Variants in EPC2 observed in about 807,000 individuals in gnomAD.
EPC2 encodes the protein enhancer of polycomb 2, also known as enhancer of polycomb homolog 2.
Under a neutral mutation model 92.1 loss-of-function variants are expected in EPC2, and 14 were observed. That is an observed-to-expected ratio of 0.15 (90% CI 0.10 to 0.24). The LOEUF (loss-of-function observed/expected upper bound fraction) is 0.24, where lower values mean the gene tolerates loss of function less well. Among genes scored for constraint, EPC2 ranks in the 10% least tolerant of loss-of-function variants. The pLI is 1.00. For missense variants in EPC2, 755 were observed against 971.5 expected, an observed-to-expected ratio of 0.78 and a Z score of 2.96; for synonymous variants, 340 against 334.7, an observed-to-expected ratio of 1.02 and a Z score of -0.17.
At chr2:148,678,351 G>A (rs925227958) in intron 1 of EPC2, among the ~76,000 whole-genome samples, 1 of 152,218 alleles carries the variant, frequency 6.6e-6, no homozygotes, top group African/African-American at 2.4e-5. Context: ...AGTGGATCCC[G>A]CACCAGGGCT....
intron 3 of EPC2, among the ~76,000 whole-genome samples, chr2:148,752,803 A>T (rs1039578784): frequency 1.3e-5 from 2 of 152,192 alleles, no homozygotes; most frequent in African/African-American, 4.8e-5. Flanking sequence ...ACAAGAAATC[A>T]TGAGAAATTT....
At position 148,772,373 on chromosome 2, in the gene EPC2, C is replaced by A. The variant is rs12622873; in HGVS notation, c.1720+986C>A. Reference sequence around the variant, plus strand: ...ACTAAAATAGATGTGGCTTGACTTACACTGTTGATACCATTTTTTTCTGTA... The same window carrying A: ...ACTAAAATAGATGTGGCTTGACTTAAACTGTTGATACCATTTTTTTCTGTA... On this transcript the variant is annotated intron_variant, in intron 10 of 13. Coordinates refer to ENST00000258484, the MANE Select transcript of EPC2 (RefSeq NM_015630.4). 4.8e-3 allele frequency among the ~76,000 whole-genome samples: 736 copies of A among 152,174 alleles called. 29 individuals are homozygous for A. In the East Asian group the frequency reaches 0.1, roughly 22 times the overall value.
chr2:148,786,605 T>C lies in EPC2; in HGVS notation c.*228T>C. On this transcript the variant is annotated 3_prime_UTR_variant, in exon 14 of 14. Coordinates refer to ENST00000258484, the MANE Select transcript of EPC2 (RefSeq NM_015630.4). ...ATCAATATTATTTCTGTTACTTGAA[T>C]AGTAGATATTCATCATCATGCTTTT... 1 of 378,536 alleles carries C rather than the reference T, an allele frequency of 2.6e-6. No individual in the cohort carries two copies. The allele number at this position is 378,536 out of a possible 1,614,324, so 23.4% of individuals were successfully genotyped here. A position where few individuals can be genotyped will look rare whatever the true frequency, so the allele number is the denominator to read the frequency against.
At chr2:148,763,325 G>A (rs1683338245) in intron 6 of EPC2, among the ~76,000 whole-genome samples, 1 of 152,102 alleles carries the variant, frequency 6.6e-6, no homozygotes, top group African/African-American at 2.4e-5. Context: ...TCTTCCTAAT[G>A]AAAGAGCCAG....
chr2:148,783,164 G>A (rs977642227), intron 11 of EPC2, among the ~76,000 whole-genome samples: 1 of 152,078 alleles, frequency 6.6e-6, no homozygotes, highest in Admixed American at 6.5e-5. Context: ...ACTTTACTTT[G>A]TTTGCTTTTT....
intron 2 of EPC2, among the ~76,000 whole-genome samples, chr2:148,738,221 A>G (rs957744609): frequency 8.5e-5 from 13 of 152,322 alleles, no homozygotes; most frequent in African/African-American, 2.6e-4. Flanking sequence ...ACCAGAAGCT[A>G]TCTCTGTGCT....
intron 1 of EPC2, among the ~76,000 whole-genome samples, chr2:148,659,967 A>G (rs1375680743): frequency 2.0e-5 from 3 of 152,146 alleles, no homozygotes; most frequent in South Asian, 2.1e-4. Flanking sequence ...GATTGTTTAC[A>G]TTATATTCTG....
chr2:148,733,803 C>G (rs545450509), intron 2 of EPC2, among the ~76,000 whole-genome samples: 8 of 152,142 alleles, frequency 5.3e-5, no homozygotes, highest in Admixed American at 1.3e-4. Context: ...TTTATTATTA[C>G]TTTTAAAATT....
chr2:148,744,119 A>G (rs1207160517), intron 3 of EPC2, among the ~76,000 whole-genome samples: 1 of 152,128 alleles, frequency 6.6e-6, no homozygotes, highest in Non-Finnish European at 1.5e-5. Flanking sequence ...TCAGATATTA[A>G]GGTACTCATC....
At chr2:148,681,014 G>T (rs138427583) in intron 1 of EPC2, among the ~76,000 whole-genome samples, 25 of 152,260 alleles carry the variant, frequency 1.6e-4, no homozygotes, top group Non-Finnish European at 3.5e-4. Flanking sequence ...CAAAAAATGA[G>T]ACTTTATCCT....
intron 7 of EPC2, among the ~76,000 whole-genome samples, chr2:148,766,077 T>A (rs915690118): frequency 1.1e-4 from 16 of 152,112 alleles, no homozygotes; most frequent in Admixed American, 5.2e-4. Context: ...ATTTTTTTTT[T>A]AAATATTGTG....
At position 148,661,256 on chromosome 2, in the gene EPC2, G is replaced by C. The variant is rs571924168; in HGVS notation, c.153+16086G>C. Among the ~76,000 whole-genome samples, 79 of 152,140 alleles carry C rather than the reference G, an allele frequency of 5.2e-4. No homozygotes were observed. In the South Asian group the frequency reaches 0.016, roughly 32 times the overall value. On this transcript the variant is annotated intron_variant, in intron 1 of 13. Coordinates refer to ENST00000258484, the MANE Select transcript of EPC2 (RefSeq NM_015630.4). ...TGTATCCTGTTGGAGGGTTGGTTTTGTGCATTTTTTGTTGAGCTTATGCCT... is the reference window on the plus strand; with the variant it reads ...TGTATCCTGTTGGAGGGTTGGTTTTCTGCATTTTTTGTTGAGCTTATGCCT...
chr2:148,699,099 A>AT (rs987107188), intron 2 of EPC2, among the ~76,000 whole-genome samples: 2 of 152,286 alleles, frequency 1.3e-5, no homozygotes, highest in African/African-American at 4.8e-5. Context: ...TAAACTAGTA[A>AT]TTTGAATTAG....
intron 6 of EPC2, among the ~76,000 whole-genome samples, chr2:148,764,006 G>A (rs930104941): frequency 2.6e-5 from 4 of 152,084 alleles, no homozygotes; most frequent in African/African-American, 4.8e-5. Flanking sequence ...CATTACACAT[G>A]GTTAATTATA....
chr2:148,711,618 C>G (rs1224030057), intron 2 of EPC2, among the ~76,000 whole-genome samples: 3 of 152,088 alleles, frequency 2.0e-5, no homozygotes, highest in Non-Finnish European at 1.5e-5. Flanking sequence ...TCATGCTGTC[C>G]ATTTTAAGTA....
chr2:148,646,184 G>A (rs1366238748), intron 1 of EPC2, among the ~76,000 whole-genome samples: 1 of 152,188 alleles, frequency 6.6e-6, no homozygotes, highest in East Asian at 1.9e-4. Flanking sequence ...CCTCGGGTGT[G>A]TGTGGATTGG....
At chr2:148,777,051 G>C (rs1420382901) in intron 10 of EPC2, among the ~76,000 whole-genome samples, 1 of 151,660 alleles carries the variant, frequency 6.6e-6, no homozygotes, top group African/African-American at 2.4e-5. Flanking sequence ...GGAGAGACGG[G>C]GTTTCACCAT....
intron 10 of EPC2, among the ~76,000 whole-genome samples, chr2:148,774,903 C>T (rs139321491): frequency 0.014 from 2,123 of 151,096 alleles, 53 homozygotes; most frequent in African/African-American, 0.049. Flanking sequence ...CTGACTAACA[C>T]GATGAAACCC....
intron 8 of EPC2, among the ~76,000 whole-genome samples, chr2:148,769,993 A>C (rs995181897): frequency 1.3e-5 from 2 of 152,138 alleles, no homozygotes; most frequent in Non-Finnish European, 2.9e-5. Context: ...AAAATGATGA[A>C]GGGAATGGGA....
Sources: gnomAD v4.1 joint callset for allele counts (sites outside exome capture counted in the v4.1 genomes callset) on GRCh38, gnomAD v4.1.1 for gene constraint, MANE v1.5 for transcripts, NCBI Gene and HGNC (gene_info 2026-07-23, HGNC 2026-07-21) for gene names.